DPP6: variants seen among roughly 807,000 people sequenced by gnomAD.
DPP6 encodes dipeptidyl peptidase like 6, also known as A-type potassium channel modulatory protein DPP6.
In DPP6, 69 loss-of-function variants were observed where a neutral mutation model predicts 122.6. The ratio of observed to expected loss-of-function variants is 0.56; its 90% confidence interval spans 0.46 to 0.69. The LOEUF is 0.69. Among genes scored for constraint, DPP6 ranks in the 30% least tolerant of loss-of-function variants. The pLI is 0.00. For missense variants in DPP6, 928 were observed against 1,116.9 expected (o/e 0.83, Z 2.41); for synonymous variants, 418 against 433.1 (o/e 0.97, Z 0.43).
chr7:154,664,112 G>T lies in DPP6; in HGVS notation c.681-5248G>T, dbSNP rs191488732. 2.1e-5 allele frequency among the ~76,000 whole-genome samples: 3 copies of T among 144,812 alleles called. 1 individual carries two copies. The highest frequency in any genetic ancestry group is 1.4e-4 in the Admixed American group (2 of 14,086). The stretch of plus-strand genomic sequence containing the variant: ...GCGTATCGGCCGTAGTGTTCATATA[G>T]TCATGGTGAATCACCATGGCGTATT... On this transcript the variant is annotated intron_variant, in intron 6 of 25. Coordinates refer to ENST00000377770, the MANE Select transcript of DPP6 (RefSeq NM_130797.4).
At chr7:154,340,135 G>T (rs752638503) in intron 1 of DPP6, among the ~76,000 whole-genome samples, 1 of 152,118 alleles carries the variant, frequency 6.6e-6, no homozygotes, top group African/African-American at 2.4e-5. Flanking sequence ...TTGTTTTGGA[G>T]CCATCTTAGT....
At chr7:154,585,054 G>C (rs1832349415) in intron 5 of DPP6, among the ~76,000 whole-genome samples, 2 of 152,048 alleles carry the variant, frequency 1.3e-5, no homozygotes, top group African/African-American at 4.8e-5. Flanking sequence ...AACTCCCCCT[G>C]CTCTGCTTCC....
At chr7:154,098,669 T>C (rs1346239129) in intron 1 of DPP6, among the ~76,000 whole-genome samples, 2 of 151,654 alleles carry the variant, frequency 1.3e-5, no homozygotes, top group Non-Finnish European at 2.9e-5. Context: ...TTTATGTTAC[T>C]GAGGGCAGAA....
At chr7:153,946,258 G>A (rs946939629) in intron 1 of DPP6, among the ~76,000 whole-genome samples, 2 of 152,184 alleles carry the variant, frequency 1.3e-5, no homozygotes, top group African/African-American at 4.8e-5. Flanking sequence ...GGCATAGGCT[G>A]CTCAATTGAG....
chr7:153,923,870 A>G (rs1183174545), intron 1 of DPP6, among the ~76,000 whole-genome samples: 3 of 151,806 alleles, frequency 2.0e-5, no homozygotes, highest in Non-Finnish European at 4.4e-5. Context: ...TCATTTAGTC[A>G]TCGGTGGATC....
At chr7:154,214,213 C>A (rs1167423829) in intron 1 of DPP6, among the ~76,000 whole-genome samples, 1 of 152,164 alleles carries the variant, frequency 6.6e-6, no homozygotes, top group African/African-American at 2.4e-5. Flanking sequence ...GATTTCAAGA[C>A]CAAAGGCTCT....
At chr7:154,290,335 C>T (rs774662185) in intron 1 of DPP6, among the ~76,000 whole-genome samples, 3 of 152,054 alleles carry the variant, frequency 2.0e-5, no homozygotes, top group Non-Finnish European at 2.9e-5. Flanking sequence ...TGGACCATTC[C>T]AAAAATGTCC....
the DPP6 span, among the ~76,000 whole-genome samples, chr7:153,793,583 T>C: frequency 0.011 from 1,682 of 151,098 alleles, 4 homozygotes; most frequent in African/African-American, 0.039. Context: ...AAGAAACACC[T>C]ATTTTCTGCA....
At chr7:154,063,033 C>T (rs1290760495) in intron 1 of DPP6, among the ~76,000 whole-genome samples, 1 of 134,570 alleles carries the variant, frequency 7.4e-6, no homozygotes, top group Non-Finnish European at 1.6e-5. Context: ...AACCCCATCA[C>T]AGGAGGGGGA....
At chr7:154,519,666 G>A (rs796915582) in intron 3 of DPP6, among the ~76,000 whole-genome samples, 7 of 152,322 alleles carry the variant, frequency 4.6e-5, no homozygotes, top group African/African-American at 1.7e-4. Flanking sequence ...TCTTCTCTCT[G>A]TATAAGACAC....
intron 5 of DPP6, among the ~76,000 whole-genome samples, chr7:154,623,893 G>A (rs183368110): frequency 1.5e-4 from 23 of 152,288 alleles, no homozygotes; most frequent in Admixed American, 2.6e-4. Flanking sequence ...TAATCTGGGA[G>A]AAAAAGGTTT....
chr7:154,017,465 T>C (rs1325488149), intron 1 of DPP6, among the ~76,000 whole-genome samples: 3 of 151,870 alleles, frequency 2.0e-5, no homozygotes, highest in Non-Finnish European at 4.4e-5. Flanking sequence ...TTTGGGAGGC[T>C]GAGGATTGTT....
At chr7:154,194,215 G>C (rs1488956592) in intron 1 of DPP6, among the ~76,000 whole-genome samples, 1 of 152,158 alleles carries the variant, frequency 6.6e-6, no homozygotes, top group Non-Finnish European at 1.5e-5. Flanking sequence ...CCTATGGTAA[G>C]GGCAGCTTAT....
At chr7:154,426,434 TAATG>T (rs1817916684) in intron 1 of DPP6, among the ~76,000 whole-genome samples, 1 of 152,180 alleles carries the variant, frequency 6.6e-6, no homozygotes. Context: ...TGAGCTATGG[TAATG>T]AATATGACGT....
At chr7:154,802,111 G>T (rs964163321) in intron 13 of DPP6, among the ~76,000 whole-genome samples, 5 of 152,044 alleles carry the variant, frequency 3.3e-5, no homozygotes, top group Non-Finnish European at 7.4e-5. Flanking sequence ...TGACTTTGGG[G>T]GACTCTGCCC....
chr7:154,377,727 G>T (rs539798436), intron 1 of DPP6, among the ~76,000 whole-genome samples: 4 of 152,148 alleles, frequency 2.6e-5, no homozygotes, highest in African/African-American at 7.2e-5. Context: ...CTCCCCAGCC[G>T]TGTGAAACGT....
intron 1 of DPP6, among the ~76,000 whole-genome samples, chr7:153,910,792 G>A (rs188457711): frequency 1.2e-4 from 18 of 152,142 alleles, no homozygotes; most frequent in African/African-American, 3.1e-4. Flanking sequence ...CTTTGGTTTC[G>A]TTCTCACTTC....
the DPP6 span, among the ~76,000 whole-genome samples, chr7:153,808,665 A>G: frequency 2.0e-5 from 3 of 151,994 alleles, no homozygotes; most frequent in African/African-American, 7.3e-5. Context: ...TGCAGTGTTT[A>G]TCTTTCTGTG....
intron 1 of DPP6, among the ~76,000 whole-genome samples, chr7:154,227,010 C>T (rs1800642421): frequency 6.6e-6 from 1 of 152,062 alleles, no homozygotes; most frequent in Admixed American, 6.5e-5. Context: ...CTACAGAAAA[C>T]TGTACAGAGT....
Sources: gnomAD v4.1 joint callset for allele counts (sites outside exome capture counted in the v4.1 genomes callset) on GRCh38, gnomAD v4.1.1 for gene constraint, MANE v1.5 for transcripts, NCBI Gene and HGNC (gene_info 2026-07-23, HGNC 2026-07-21) for gene names.